AACS: variants seen among roughly 807,000 people sequenced by gnomAD.
AACS encodes acetoacetate-CoA ligase.
Under a neutral mutation model 83.1 loss-of-function variants are expected in AACS, and 69 were observed. The observed-to-expected ratio is 0.83, with a 90% CI of 0.68 to 1.01. The LOEUF (loss-of-function observed/expected upper bound fraction) is 1.01, where lower values mean the gene tolerates loss of function less well. AACS is among the 50% of genes least tolerant of loss of function. The pLI, the probability that AACS is intolerant of heterozygous loss-of-function variation, is 0.00. For missense variants in AACS, 866 were observed against 882.2 expected (o/e 0.98, Z 0.23); for synonymous variants, 333 against 343.4 (o/e 0.97, Z 0.33).
At chr12:125,070,921 G>A (rs2136030227) in intron 1 of AACS, among the ~76,000 whole-genome samples, 1 of 152,346 alleles carries the variant, frequency 6.6e-6, no homozygotes, top group African/African-American at 2.4e-5. Context: ...TCACTGTGTG[G>A]TGTGGACAAT....
intron 14 of AACS, among the ~76,000 whole-genome samples, chr12:125,132,364 T>A (rs1484292406): frequency 6.6e-6 from 1 of 152,216 alleles, no homozygotes; most frequent in Non-Finnish European, 1.5e-5. Context: ...CAGAAATTTC[T>A]CGTCCGATTA....
chr12:125,142,265 T>C lies in AACS; in HGVS notation c.*36T>C. The C allele has an allele frequency of 1.2e-6, 2 of 1,603,884 alleles. No individual in the cohort carries two copies. The highest frequency in any genetic ancestry group is 1.7e-6 in the Non-Finnish European group (2 of 1,173,754). On this transcript the variant is annotated 3_prime_UTR_variant, in exon 18 of 18. Transcript: ENST00000316519. ...CTGGCGTGTCACTCAGCCGCACCCG[T>C]GTGCACTGTAACTTTTGTGTGCTCA...
intron 4 of AACS, 41 bp from the exon 5 acceptor site, chr12:125,091,385 A>G: frequency 6.2e-7 from 1 of 1,604,604 alleles, no homozygotes; most frequent in Non-Finnish European, 8.5e-7. Flanking sequence ...TACCTCCCAT[A>G]CACCCTGAAC....
chr12:125,118,623 T>C lies in AACS; in HGVS notation c.997-18T>C. ...CTGCCTAGCGCCCGCTGAAGCCGCA[T>C]CCCTCCTGTCTTTGCAGGTCGGCTG... On this transcript the variant is annotated intron_variant, in intron 9 of 17. Transcript: ENST00000316519. 3 of 1,613,726 alleles carry C rather than the reference T, an allele frequency of 1.9e-6. No homozygotes were observed. The highest frequency in any genetic ancestry group is 2.5e-6 in the Non-Finnish European group (3 of 1,179,770).
At chr12:125,080,608 G>C (rs1956150568) in intron 3 of AACS, among the ~76,000 whole-genome samples, 1 of 146,032 alleles carries the variant, frequency 6.8e-6, no homozygotes, top group South Asian at 2.3e-4. Flanking sequence ...CTTTACCTTA[G>C]CCTGTCTTCT....
At chr12:125,132,714 G>A (rs747220747) in intron 14 of AACS, among the ~76,000 whole-genome samples, 5 of 152,202 alleles carry the variant, frequency 3.3e-5, no homozygotes, top group Non-Finnish European at 7.3e-5. Flanking sequence ...ATTGGAATAA[G>A]TAGCTTTGGG....
chr12:125,081,040 T>C (rs1228938820), intron 3 of AACS, among the ~76,000 whole-genome samples: 1 of 152,060 alleles, frequency 6.6e-6, no homozygotes, highest in Non-Finnish European at 1.5e-5. Flanking sequence ...TCACCCAGGC[T>C]GGAGTGCAGT....
chr12:125,065,760 G>A (rs1207595941), intron 1 of AACS, 43 bp downstream of exon 1: 11 of 1,489,788 alleles, frequency 7.4e-6, no homozygotes, highest in Non-Finnish European at 8.0e-6. Flanking sequence ...GGATGGGCGG[G>A]AGCCGTGCAG....
rs1328214465 is a variant in AACS, at chr12:125,094,447, T to C, written c.570+2924T>C. ...GTCTCTGTTGATGGAGTCGCACCGT[T>C]GGACTCGTGGGTTCACACGCCTGTC... On this transcript the variant is annotated intron_variant, in intron 5 of 17. Transcript: ENST00000316519. This position sits in a 1 kb window ranked among gnomAD's most constrained non-coding sequence, Gnocchi z 4.1. 6.6e-6 allele frequency among the ~76,000 whole-genome samples: 1 copy of C among 152,222 alleles called. No individual in the cohort carries two copies. Among genetic ancestry groups the C allele is most frequent in the African/African-American group, 2.4e-5 (1 of 41,458 alleles).
At chr12:125,111,698 T>G (rs188325917) in intron 8 of AACS, among the ~76,000 whole-genome samples, 1 of 152,348 alleles carries the variant, frequency 6.6e-6, no homozygotes, top group Admixed American at 6.5e-5. Context: ...TGGTTTGTGC[T>G]TCCTAAGTCT....
chr12:125,130,967 T>C lies in AACS; in HGVS notation c.1549+1507T>C, dbSNP rs966710962. Among the ~76,000 whole-genome samples the C allele has an allele frequency of 6.6e-6, 1 of 152,198 alleles. No homozygotes were observed. The highest frequency in any genetic ancestry group is 2.4e-5 in the African/African-American group (1 of 41,452). On this transcript the variant is annotated intron_variant, in intron 14 of 17. Transcript: ENST00000316519. The surrounding 1 kb of genome is among the most constrained non-coding windows in gnomAD (Gnocchi z 4.9). ...GTGAACATAGGCTGCACTTAGACCC[T>C]TCCTCAAGCACCAGCGCTGAGAGAT...
At chr12:125,098,699 C>T (rs1030497477) in intron 5 of AACS, among the ~76,000 whole-genome samples, 7 of 152,220 alleles carry the variant, frequency 4.6e-5, no homozygotes, top group South Asian at 2.1e-4. Flanking sequence ...GTGATCCACC[C>T]GCCTTGGCCT....
chr12:125,125,250 C>T (rs1183603622), intron 12 of AACS, among the ~76,000 whole-genome samples: 1 of 152,246 alleles, frequency 6.6e-6, no homozygotes, highest in African/African-American at 2.4e-5. Flanking sequence ...TGTACACACA[C>T]ACACCTCTCA....
chr12:125,096,883 C>T (rs1242881840), intron 5 of AACS, among the ~76,000 whole-genome samples: 2 of 151,882 alleles, frequency 1.3e-5, no homozygotes, highest in Non-Finnish European at 2.9e-5. Flanking sequence ...TGTTCCAGTG[C>T]CAGTGCCCAG....
chr12:125,131,877 G>A (rs1188305514), intron 14 of AACS, among the ~76,000 whole-genome samples: 3 of 152,208 alleles, frequency 2.0e-5, no homozygotes, highest in Admixed American at 6.5e-5. Context: ...GATTACAGGC[G>A]TGAGCCACCA....
chr12:125,119,824 TG>T, intron 10 of AACS: 1 of 151,882 alleles, frequency 6.6e-6, no homozygotes. Context: ...TCATGAGGGG[TG>T]GGTGCAGAAC....
At chr12:125,118,592 G>A in intron 9 of AACS, 49 bp from the exon 10 acceptor site, 1 of 1,607,668 alleles carries the variant, frequency 6.2e-7, no homozygotes. Context: ...GCAGCGCTGG[G>A]GGGAGCTGCC....
intron 5 of AACS, chr12:125,101,643 C>T (rs1451923016): frequency 6.6e-6 from 1 of 151,970 alleles, no homozygotes; most frequent in African/African-American, 2.4e-5. Context: ...GTAGTGTAAA[C>T]ACACACTCTA....
intron 4 of AACS, 45 bp downstream of exon 4, chr12:125,086,488 G>A: frequency 6.4e-7 from 1 of 1,551,688 alleles, no homozygotes. Flanking sequence ...AGGAGACCAA[G>A]GTAGAATGGG....
Sources: gnomAD v4.1 joint callset for allele counts (sites outside exome capture counted in the v4.1 genomes callset) on GRCh38, gnomAD v4.1.1 for gene constraint, Gnocchi (gnomAD v3.1) non-coding constraint, MANE v1.5 for transcripts, NCBI Gene and HGNC (gene_info 2026-07-23, HGNC 2026-07-21) for gene names.